The following SKAP1 variants were observed in gnomAD, a reference collection of about 807,000 sequenced individuals.
SKAP1 encodes the protein src kinase associated phosphoprotein 1, also known as src kinase-associated phosphoprotein 1.
A neutral mutation model predicts 58.5 loss-of-function variants in SKAP1; 44 were observed. That is an observed-to-expected ratio of 0.75 (90% confidence interval 0.59 to 0.97). The LOEUF (loss-of-function observed/expected upper bound fraction) is 0.97. SKAP1 is among the 50% of genes least tolerant of loss of function. SKAP1 has a pLI of 0.00. For synonymous variants in SKAP1, 127 were observed against 149.7 expected (o/e 0.85, Z 1.11); for missense variants, 390 against 435.2 (o/e 0.90, Z 0.92).
At chr17:48,296,722 A>G (rs1360027091) in intron 4 of SKAP1, among the ~76,000 whole-genome samples, 1 of 152,142 alleles carries the variant, frequency 6.6e-6, no homozygotes, top group African/African-American at 2.4e-5. Context: ...GTTGGCTGGT[A>G]TTCTCTCCAT....
At chr17:48,311,592 T>A (rs759621662) in intron 4 of SKAP1, among the ~76,000 whole-genome samples, 1 of 152,212 alleles carries the variant, frequency 6.6e-6, no homozygotes, top group Non-Finnish European at 1.5e-5. Context: ...GTGCTATTCC[T>A]TGAACTTCTA....
chr17:48,414,762 C>T (rs1266945655), intron 1 of SKAP1, among the ~76,000 whole-genome samples: 14 of 152,064 alleles, frequency 9.2e-5, no homozygotes, highest in Admixed American at 7.9e-4. Context: ...CACACCCCAG[C>T]GAAAAACTGC....
At chr17:48,381,969 A>C (rs536433923) in intron 2 of SKAP1, among the ~76,000 whole-genome samples, 1 of 152,310 alleles carries the variant, frequency 6.6e-6, no homozygotes, top group East Asian at 1.9e-4. Context: ...CTTTCCCAAT[A>C]GTCATACTAG....
intron 10 of SKAP1, among the ~76,000 whole-genome samples, chr17:48,164,951 T>C (rs2064115879): frequency 6.6e-6 from 1 of 152,258 alleles, no homozygotes; most frequent in African/African-American, 2.4e-5. Context: ...ATTCTCATCA[T>C]CCAACAGACA....
intron 4 of SKAP1, chr17:48,344,382 C>A (rs1250296028): frequency 5.9e-6 from 1 of 170,052 alleles, no homozygotes; most frequent in Non-Finnish European, 1.2e-5. Flanking sequence ...CAGCAAAGGG[C>A]CTTAGGGGTT....
intron 4 of SKAP1, among the ~76,000 whole-genome samples, chr17:48,251,760 C>T (rs939137837): frequency 1.3e-5 from 2 of 152,188 alleles, no homozygotes; most frequent in Non-Finnish European, 2.9e-5. Context: ...TGTATCACCT[C>T]CTGACCTGCT....
At chr17:48,335,355 A>G (rs1041719331) in intron 4 of SKAP1, among the ~76,000 whole-genome samples, 1 of 151,988 alleles carries the variant, frequency 6.6e-6, no homozygotes, top group Admixed American at 6.6e-5. Context: ...GCCATCTAAG[A>G]CACATTAATA....
chr17:48,183,487 T>C (rs772485089), intron 7 of SKAP1, among the ~76,000 whole-genome samples: 2 of 152,192 alleles, frequency 1.3e-5, no homozygotes, highest in Non-Finnish European at 2.9e-5. Context: ...ATATTTTAAT[T>C]ATCTGGCCAT....
chr17:48,222,610 T>G (rs112659429), intron 4 of SKAP1, among the ~76,000 whole-genome samples: 3,314 of 151,768 alleles, frequency 0.022, 64 homozygotes, highest in Non-Finnish European at 0.029. Context: ...CTCCTGAGTA[T>G]CTGGGATTAC....
intron 4 of SKAP1, among the ~76,000 whole-genome samples, chr17:48,254,807 C>T (rs2065404950): frequency 6.6e-6 from 1 of 151,824 alleles, no homozygotes; most frequent in South Asian, 2.1e-4. Flanking sequence ...TAAAATTCTG[C>T]AAATTCCAAG....
chr17:48,243,683 C>T (rs1392380351), intron 4 of SKAP1, among the ~76,000 whole-genome samples: 1 of 152,082 alleles, frequency 6.6e-6, no homozygotes, highest in Non-Finnish European at 1.5e-5. Context: ...GGAATAAGTA[C>T]TTGTTTTGCA....
chr17:48,316,656 G>A (rs895871881), intron 4 of SKAP1, among the ~76,000 whole-genome samples: 1 of 152,126 alleles, frequency 6.6e-6, no homozygotes, highest in Non-Finnish European at 1.5e-5. Flanking sequence ...CTAGTCTAAG[G>A]TCGTGCACAT....
intron 2 of SKAP1, among the ~76,000 whole-genome samples, chr17:48,371,848 GAAAAGAAAAAGAA>G: frequency 6.9e-6 from 1 of 145,822 alleles, no homozygotes; most frequent in Non-Finnish European, 1.5e-5. Context: ...AAAAAAAAAA[GAAAAGAAAAAGAA>G]AAAAAGAAAG....
In SKAP1 at chr17:48,356,418, A is replaced by G. The variant is rs180956054; in HGVS notation, c.178+7371T>C. 4.4e-3 allele frequency among the ~76,000 whole-genome samples: 670 copies of G among 152,304 alleles called. 6 individuals are homozygous for G. Among genetic ancestry groups the G allele is most frequent in the African/African-American group, 0.016 (645 of 41,558 alleles). ...CTTTATTAAATAAAAAAAGTTAAGT[A>G]TGCCCAGAGCAAAACCTTCAAATGT... On this transcript the variant is annotated intron_variant, in intron 3 of 12. Transcript: ENST00000336915.
intron 4 of SKAP1, among the ~76,000 whole-genome samples, chr17:48,342,931 G>A (rs1199364446): frequency 6.6e-6 from 1 of 151,774 alleles, no homozygotes; most frequent in African/African-American, 2.4e-5. Flanking sequence ...TTTGCAGTGA[G>A]CCGAGATCCC....
intron 11 of SKAP1, among the ~76,000 whole-genome samples, chr17:48,147,911 A>C (rs982874775): frequency 2.8e-5 from 4 of 143,270 alleles, no homozygotes; most frequent in African/African-American, 5.1e-5. Flanking sequence ...GATACAGGGG[A>C]AAGTATGCAA....
chr17:48,155,839 A>G (rs1310317385), intron 11 of SKAP1, among the ~76,000 whole-genome samples: 1 of 152,180 alleles, frequency 6.6e-6, no homozygotes, highest in African/African-American at 2.4e-5. Flanking sequence ...GGCAACAGAG[A>G]GAGACTCCGT....
intron 11 of SKAP1, among the ~76,000 whole-genome samples, chr17:48,151,780 G>C (rs1465051580): frequency 2.0e-5 from 3 of 152,172 alleles, no homozygotes; most frequent in Non-Finnish European, 2.9e-5. Context: ...ATCAGGAACA[G>C]AGAAACTGCA....
rs1241583774 is a variant in SKAP1 at position 48,158,318 on chromosome 17, G to A, written c.978+4151C>T. On this transcript the variant is annotated intron_variant, in intron 11 of 12. Transcript: ENST00000336915. ...TCCTAACACTTTGGGAGGCCGAGGC[G>A]GGCGGATCACGAGGTCAGGAGATCC... 4.6e-5 allele frequency among the ~76,000 whole-genome samples: 7 copies of A among 151,752 alleles called. No individual in the cohort carries two copies. In the East Asian group the frequency reaches 1.3e-3, roughly 29 times the overall value.
Sources: allele counts gnomAD v4.1 joint callset (sites outside exome capture counted in the v4.1 genomes callset), GRCh38; gene constraint gnomAD v4.1.1; transcripts MANE v1.5; gene names NCBI Gene and HGNC (gene_info 2026-07-23, HGNC 2026-07-21).